The following PDE4DIP variants were observed in gnomAD, a reference collection of about 807,000 sequenced individuals.
The protein encoded by PDE4DIP is myomegalin.
In PDE4DIP, 59 loss-of-function variants were observed where a neutral mutation model predicts 221.4. The observed-to-expected ratio is 0.27, with a 90% CI of 0.22 to 0.33. The LOEUF is 0.33. PDE4DIP is among the 10% of genes least tolerant of loss of function. PDE4DIP has a pLI of 1.00. For synonymous variants in PDE4DIP, 404 were observed against 815.9 expected (o/e 0.50, Z 8.60); for missense variants, 1,036 against 2,154.2 (o/e 0.48, Z 10.28).
At chr1:148,965,388 T>C (rs1553516966) in intron 9 of PDE4DIP, 96 bp from the exon 13 acceptor site, 1 of 778,768 alleles carries the variant, frequency 1.3e-6, no homozygotes, top group African/African-American at 1.7e-5. Context: ...TCTGCTCCTC[T>C]TTCAGTTTAT....
chr1:148,937,392 A>T (rs587623934), intron 4 of PDE4DIP, among the ~76,000 whole-genome samples: 14 of 152,300 alleles, frequency 9.2e-5, no homozygotes, highest in Non-Finnish European at 1.9e-4. Context: ...TGCATTGAGT[A>T]CACAAAATAG....
At chr1:148,918,622 T>TACACACACACACACAC (rs57116412) in intron 1 of PDE4DIP, among the ~76,000 whole-genome samples, 1 of 92,242 alleles carries the variant, frequency 1.1e-5, no homozygotes, top group African/African-American at 4.6e-5. Context: ...TCTCTCTCTC[T>TACACACACACACACAC]ACACACACAC....
At chr1:148,984,985 A>AC (rs1335228373) in intron 21 of PDE4DIP, 1 of 152,152 alleles carries the variant, frequency 6.6e-6, no homozygotes, top group African/African-American at 2.4e-5. Flanking sequence ...TACAGTCAGT[A>AC]TCCTGCAAGG....
chr1:148,925,636 G>A (rs1448795131), intron 1 of PDE4DIP, among the ~76,000 whole-genome samples: 3 of 151,914 alleles, frequency 2.0e-5, no homozygotes, highest in African/African-American at 7.3e-5. Flanking sequence ...TAAGGCTGGG[G>A]TCTCTGACTG....
intron 14 of PDE4DIP, among the ~76,000 whole-genome samples, chr1:148,969,984 G>A: frequency 6.6e-6 from 1 of 152,178 alleles, no homozygotes; most frequent in Non-Finnish European, 1.5e-5. Context: ...GGGATTACAG[G>A]CGTGAGCCAC....
intron 9 of PDE4DIP, among the ~76,000 whole-genome samples, chr1:148,963,898 CACT>C (rs1165721359): frequency 1.3e-5 from 2 of 148,190 alleles, no homozygotes; most frequent in Non-Finnish European, 3.0e-5. Flanking sequence ...GGACTACAGG[CACT>C]GGCCGCCACC....
In PDE4DIP at chr1:149,010,598, A is replaced by G. The variant is rs782325702; in HGVS notation, c.5080+3A>G. The G allele has an allele frequency of 6.2e-7, 1 of 1,613,680 alleles. No individual in the cohort carries two copies. The highest frequency in any genetic ancestry group is 1.6e-4 in the Middle Eastern group (1 of 6,062). On this transcript the variant is annotated splice_donor_region_variant and intron_variant, in intron 31 of 43. Coordinates refer to ENST00000369354, the Ensembl canonical transcript of PDE4DIP. ...GGAGGCCAACCAGGCCCATTCAGGT[A>G]TGCAACAGCCAATGGGGCAGAAGCT... is the stretch of plus-strand genomic sequence containing the variant.
intron 21 of PDE4DIP, chr1:148,983,135 T>C (rs2061379135): frequency 6.6e-6 from 1 of 152,146 alleles, no homozygotes; most frequent in Non-Finnish European, 1.5e-5. Flanking sequence ...TAAGAGACCC[T>C]TTCTTGCACA....
chr1:148,989,806 A>G (rs1553555105), intron 21 of PDE4DIP, among the ~76,000 whole-genome samples: 1 of 152,244 alleles, frequency 6.6e-6, no homozygotes, highest in African/African-American at 2.4e-5. Flanking sequence ...AGATTTTCCA[A>G]AGTAAGCATA....
At chr1:148,957,525 TA>T (rs1341396669) in intron 5 of PDE4DIP, among the ~76,000 whole-genome samples, 1 of 151,844 alleles carries the variant, frequency 6.6e-6, no homozygotes, top group Admixed American at 6.6e-5. Flanking sequence ...TATACAGTCT[TA>T]TTTCTAAGAG....
chr1:149,023,926 CAT>C (rs1553254026), intron 37 of PDE4DIP, among the ~76,000 whole-genome samples: 28 of 147,382 alleles, frequency 1.9e-4, no homozygotes, highest in South Asian at 1.3e-3. Context: ...CACACACACA[CAT>C]ATATATAGAG....
intron 1 of PDE4DIP, among the ~76,000 whole-genome samples, chr1:148,927,488 G>T (rs587768915): frequency 2.6e-5 from 4 of 152,088 alleles, no homozygotes; most frequent in Non-Finnish European, 4.4e-5. Flanking sequence ...CGACCACCCT[G>T]CATGGAAACA....
chr1:149,020,791 A>C (rs2072529738), intron 36 of PDE4DIP: 1 of 532,212 alleles, frequency 1.9e-6, no homozygotes, highest in Non-Finnish European at 3.4e-6. Context: ...CTCTGAACTA[A>C]TGTAGGTAAT....
At chr1:149,000,814 T>G (rs1336576103) in intron 23 of PDE4DIP, among the ~76,000 whole-genome samples, 1 of 151,354 alleles carries the variant, frequency 6.6e-6, no homozygotes, top group Non-Finnish European at 1.5e-5. Flanking sequence ...TTATTTTATA[T>G]AAAAGGAAAC....
chr1:148,820,720 G>T (rs797026580), intron 1 of PDE4DIP, among the ~76,000 whole-genome samples: 1 of 148,866 alleles, frequency 6.7e-6, no homozygotes, highest in African/African-American at 2.5e-5. Flanking sequence ...TTTTTGGGGG[G>T]GGGGTGGCTA....
intron 34 of PDE4DIP, 128 bp downstream of exon 37, chr1:149,018,007 A>G (rs1228696645): frequency 2.7e-6 from 2 of 746,070 alleles, no homozygotes; most frequent in Non-Finnish European, 4.6e-6. Flanking sequence ...AAGTACTGTC[A>G]TCCCTACTTT....
intron 1 of PDE4DIP, among the ~76,000 whole-genome samples, chr1:148,913,652 A>C (rs1298065027): frequency 7.3e-6 from 1 of 137,020 alleles, no homozygotes; most frequent in African/African-American, 2.8e-5. Context: ...GCAGTAATGT[A>C]TGTAGGGGCT....
intron 5 of PDE4DIP, among the ~76,000 whole-genome samples, chr1:148,951,503 G>A (rs1248575257): frequency 6.6e-6 from 1 of 152,200 alleles, no homozygotes; most frequent in African/African-American, 2.4e-5. Context: ...CCTTTCTGGC[G>A]CGAGCTGCAT....
chr1:148,964,317 A>C, intron 9 of PDE4DIP, among the ~76,000 whole-genome samples: 1 of 151,954 alleles, frequency 6.6e-6, no homozygotes. Flanking sequence ...CATGTTGGTC[A>C]GGTTGGTCTC....
Sources: allele counts gnomAD v4.1 joint callset (sites outside exome capture counted in the v4.1 genomes callset), GRCh38; gene constraint gnomAD v4.1.1; transcripts MANE v1.5; gene names NCBI Gene and HGNC (gene_info 2026-07-23, HGNC 2026-07-21).